EPN2: variants seen among roughly 807,000 people sequenced by gnomAD.
EPN2 encodes epsin 2.
A neutral mutation model predicts 61.7 loss-of-function variants in EPN2; 34 were observed. The observed-to-expected ratio is 0.55, with a 90% confidence interval of 0.42 to 0.73. EPN2 has a LOEUF of 0.73. Ranked by LOEUF, EPN2 falls within the 30% of genes least tolerant of loss-of-function variation. The probability of loss-of-function intolerance (pLI) is 0.00; values close to 1 mark genes in which losing one functional copy is unlikely to be tolerated. For missense variants in EPN2, 714 were observed against 839.2 expected (o/e 0.85, Z 1.84); for synonymous variants, 349 against 353.6 (o/e 0.99, Z 0.15).
chr17:19,306,112 C>A (rs964607151), intron 4 of EPN2: 1 of 152,212 alleles, frequency 6.6e-6, no homozygotes, highest in Non-Finnish European at 1.5e-5. Context: ...GGGAAAGCAA[C>A]CTGCAACAAT....
chr17:19,264,420 G>A (rs1359119162), intron 1 of EPN2, among the ~76,000 whole-genome samples: 1 of 152,174 alleles, frequency 6.6e-6, no homozygotes, highest in East Asian at 1.9e-4. Flanking sequence ...TCAAAAGCAT[G>A]TGAGGCATGT....
intron 7 of EPN2, among the ~76,000 whole-genome samples, chr17:19,319,507 A>G (rs1293481217): frequency 1.3e-5 from 2 of 149,830 alleles, no homozygotes; most frequent in African/African-American, 4.9e-5. Context: ...ATTTTTTTGT[A>G]TTTTTAGTAG....
intron 4 of EPN2, among the ~76,000 whole-genome samples, chr17:19,290,694 C>T (rs139475470): frequency 0.017 from 1,407 of 80,538 alleles, 36 homozygotes; most frequent in African/African-American, 0.071. Context: ...CCAGCATTCC[C>T]GTTCTCAAAA....
rs375339161 is a variant in EPN2, at chr17:19,328,908, C to G, written c.1324+21C>G. 6.8e-5 allele frequency: 109 copies of G among 1,593,130 alleles called. No homozygotes were observed. In the African/African-American group the frequency reaches 1.3e-3, roughly 20 times the overall value. On this transcript the variant is annotated intron_variant, in intron 8 of 10. Transcript: ENST00000314728. ...CTCTGGTGAGCCCCTCACTCACCCA[C>G]TTTCCTGCCTGGCCTCTGAGCGCCC...
intron 4 of EPN2, among the ~76,000 whole-genome samples, chr17:19,289,724 G>GTTTTGTTTTTT (rs772230550): frequency 1.3e-4 from 10 of 78,046 alleles, no homozygotes; most frequent in South Asian, 1.2e-3. Context: ...GGCGCTCATG[G>GTTTTGTTTTTT]TTTTTTTTTT....
At position 19,335,079 on chromosome 17, in the gene EPN2, G is replaced by T; in HGVS notation, c.*825G>T. ...AAAATTTTAAAAGGAAGAGATGTTT[G>T]GATGACAAAAAAATGCCTTATTGAA... On this transcript the variant is annotated 3_prime_UTR_variant, in exon 11 of 11. Transcript: ENST00000314728. 5.1e-6 allele frequency: 1 copy of T among 196,004 alleles called. No homozygotes were observed. The highest frequency in any genetic ancestry group is 1.0e-5 in the Non-Finnish European group (1 of 96,676). 12.1% of individuals were successfully genotyped at this position (196,004 alleles called of 1,614,324 possible).
chr17:19,248,799 G>A (rs1402787041), intron 1 of EPN2, among the ~76,000 whole-genome samples: 7 of 152,204 alleles, frequency 4.6e-5, no homozygotes, highest in Admixed American at 3.9e-4. Flanking sequence ...TCAGTAACAA[G>A]TAATATTAGC....
intron 1 of EPN2, among the ~76,000 whole-genome samples, chr17:19,262,028 A>G (rs1423418215): frequency 6.6e-6 from 1 of 152,122 alleles, no homozygotes; most frequent in African/African-American, 2.4e-5. Context: ...CTCTACTAAA[A>G]ATACAAAAAT....
chr17:19,319,724 T>A (rs1255738638), intron 7 of EPN2, among the ~76,000 whole-genome samples: 2 of 152,002 alleles, frequency 1.3e-5, no homozygotes, highest in Admixed American at 1.3e-4. Context: ...CTGGGCTCAC[T>A]GCAACCTCCG....
At position 19,290,377 on chromosome 17, in the gene EPN2, G is replaced by A. The variant is rs1390020953; in HGVS notation, c.766+4587G>A. Among the ~76,000 whole-genome samples the A allele has an allele frequency of 6.6e-5, 10 of 152,300 alleles. No individual in the cohort carries two copies. In the East Asian group the frequency reaches 1.9e-3, roughly 29 times the overall value. On this transcript the variant is annotated intron_variant, in intron 4 of 10. Transcript: ENST00000314728. ...AAAAGGCTTTGGAGAAATTACAGAA[G>A]TTCTTGGGGTAGACGGAACCTACAT... is the stretch of plus-strand genomic sequence containing the variant.
At chr17:19,245,419 C>CTTTTTTTT (rs57599278) in intron 1 of EPN2, among the ~76,000 whole-genome samples, 2 of 134,444 alleles carry the variant, frequency 1.5e-5, no homozygotes, top group Non-Finnish European at 3.1e-5. Flanking sequence ...ATTTGGTAGT[C>CTTTTTTTT]TTTTTTTTTT....
intron 4 of EPN2, among the ~76,000 whole-genome samples, chr17:19,305,296 A>T (rs151334254): frequency 8.4e-4 from 128 of 151,972 alleles, no homozygotes; most frequent in African/African-American, 3.0e-3. Flanking sequence ...TAAATTTTGT[A>T]TGTTTAGTAG....
intron 1 of EPN2, among the ~76,000 whole-genome samples, chr17:19,278,324 C>T (rs1038199499): frequency 3.9e-5 from 6 of 151,980 alleles, no homozygotes; most frequent in Non-Finnish European, 8.8e-5. Context: ...AAGACATACC[C>T]GAGACTGGGA....
chr17:19,250,382 C>T (rs932187658), intron 1 of EPN2, among the ~76,000 whole-genome samples: 6 of 152,162 alleles, frequency 3.9e-5, no homozygotes, highest in Admixed American at 3.3e-4. Context: ...AGGCGTGAAC[C>T]ACCATGCCCT....
intron 4 of EPN2, among the ~76,000 whole-genome samples, chr17:19,296,058 C>G (rs1193237474): frequency 6.6e-6 from 1 of 152,172 alleles, no homozygotes; most frequent in Admixed American, 6.5e-5. Flanking sequence ...CAGCTTAGTC[C>G]AGCTTGCAGT....
chr17:19,249,922 C>T (rs1221241853), intron 1 of EPN2, among the ~76,000 whole-genome samples: 1 of 151,804 alleles, frequency 6.6e-6, no homozygotes, highest in Admixed American at 6.6e-5. Context: ...TTCCTTGGCT[C>T]GTGCTCCTTC....
At position 19,335,390 on chromosome 17, in the gene EPN2, T is replaced by A; in HGVS notation, c.*1136T>A. The A allele has an allele frequency of 6.5e-7, 1 of 1,535,714 alleles. No individual in the cohort carries two copies. The highest frequency in any genetic ancestry group is 8.8e-7 in the Non-Finnish European group (1 of 1,137,772). ...TCACCAATTTTTATCAACTAATTCC[T>A]TTTTTTTATTAAAGGCATGCAGGGA... On this transcript the variant is annotated 3_prime_UTR_variant, in exon 11 of 11. Transcript: ENST00000314728.
At chr17:19,305,760 G>A (rs921314209) in intron 4 of EPN2, among the ~76,000 whole-genome samples, 3 of 152,176 alleles carry the variant, frequency 2.0e-5, no homozygotes, top group Non-Finnish European at 2.9e-5. Flanking sequence ...GAGCAGACAG[G>A]GTGGACTCGA....
chr17:19,289,727 T>TTTTTTTTTTTTTTG (rs2152220440), intron 4 of EPN2, among the ~76,000 whole-genome samples: 1 of 114,292 alleles, frequency 8.7e-6, no homozygotes, highest in African/African-American at 4.1e-5. Flanking sequence ...GCTCATGGTT[T>TTTTTTTTTTTTTTG]TTTTTTTTTT....
Sources: gnomAD v4.1 joint callset for allele counts (sites outside exome capture counted in the v4.1 genomes callset) on GRCh38, gnomAD v4.1.1 for gene constraint, MANE v1.5 for transcripts, NCBI Gene and HGNC (gene_info 2026-07-23, HGNC 2026-07-21) for gene names.